Variants in IL12RB2 observed in about 807,000 individuals in gnomAD.
IL12RB2 encodes the protein interleukin 12 receptor subunit beta 2.
IL12RB2 carries 82 observed loss-of-function variants against 89.4 expected under a neutral mutation model. The observed-to-expected ratio is 0.92, with a 90% CI of 0.77 to 1.10. The LOEUF (loss-of-function observed/expected upper bound fraction) is 1.10. Among genes scored for constraint, IL12RB2 ranks in the 50% least tolerant of loss-of-function variants. The pLI, the probability that IL12RB2 is intolerant of heterozygous loss-of-function variation, is 0.00. For missense variants in IL12RB2, 963 were observed against 1,031.9 expected (o/e 0.93, Z 0.92); for synonymous variants, 368 against 370.1 (o/e 0.99, Z 0.07).
chr1:67,308,417 A>AT (rs1231597874), intron 1 of IL12RB2, among the ~76,000 whole-genome samples: 1 of 152,006 alleles, frequency 6.6e-6, no homozygotes, highest in Non-Finnish European at 1.5e-5. Context: ...TGAGTAAGAT[A>AT]TTGGGGGGGG....
At chr1:67,330,175 T>C (rs1657869122) in intron 7 of IL12RB2, among the ~76,000 whole-genome samples, 1 of 152,118 alleles carries the variant, frequency 6.6e-6, no homozygotes, top group Non-Finnish European at 1.5e-5. Context: ...TATGATTCTT[T>C]CCGGGATTGT....
intron 11 of IL12RB2, among the ~76,000 whole-genome samples, chr1:67,370,630 A>AAAT (rs1230216372): frequency 6.6e-6 from 1 of 152,190 alleles, no homozygotes; most frequent in Non-Finnish European, 1.5e-5. Context: ...GAGTGGTGGG[A>AAAT]AATGAGTCGG....
intron 2 of IL12RB2, among the ~76,000 whole-genome samples, chr1:67,316,336 T>C (rs1655758461): frequency 6.6e-6 from 1 of 152,050 alleles, no homozygotes; most frequent in African/African-American, 2.4e-5. Context: ...CTACAACACC[T>C]GAGGACCACG....
intron 9 of IL12RB2, among the ~76,000 whole-genome samples, chr1:67,339,117 T>C (rs941696612): frequency 2.0e-5 from 3 of 152,118 alleles, no homozygotes; most frequent in African/African-American, 7.2e-5. Flanking sequence ...TATTTAATAA[T>C]GTTTGTTAAG....
intron 16 of IL12RB2, among the ~76,000 whole-genome samples, chr1:67,392,623 CTTTTTT>C (rs527587132): frequency 1.2e-3 from 102 of 84,266 alleles, no homozygotes; most frequent in African/African-American, 4.5e-3. Context: ...TTTTAGATAT[CTTTTTT>C]TTTTTTTTTT....
chr1:67,317,766 G>A (rs1655962431), intron 2 of IL12RB2, among the ~76,000 whole-genome samples: 1 of 152,252 alleles, frequency 6.6e-6, no homozygotes, highest in African/African-American at 2.4e-5. Context: ...TCTTTCAATA[G>A]ACATTTGTTG....
intron 1 of IL12RB2, among the ~76,000 whole-genome samples, chr1:67,310,537 A>G (rs1042286934): frequency 3.9e-5 from 6 of 152,212 alleles, no homozygotes; most frequent in Non-Finnish European, 5.9e-5. Flanking sequence ...GAATGGGCAA[A>G]GAGAGGAGTC....
rs867582279 is a variant in IL12RB2, at chr1:67,339,879, G to A, written c.1038+1176G>A. 5.9e-5 allele frequency among the ~76,000 whole-genome samples: 9 copies of A among 152,142 alleles called. No homozygotes were observed. In the South Asian group the frequency reaches 6.2e-4, roughly 11 times the overall value. The stretch of plus-strand genomic sequence containing the variant: ...TCTTTGTTGAAGGAAAATGCTGTGC[G>A]ATTCGAATTGAGCTACTGATTGGCA... On this transcript the variant is annotated intron_variant, in intron 9 of 16. Coordinates refer to ENST00000674203, the MANE Select transcript of IL12RB2 (RefSeq NM_001374259.2).
At position 67,313,744 on chromosome 1, in the gene IL12RB2, T is replaced by C. The variant is rs149016464; in HGVS notation, c.-124-169T>C. ...AGGAGGTTGAGGCAAGAGAATCGCT[T>C]GAACCCAGGAGGTGGAGGTTGCAGT... On this transcript the variant is annotated intron_variant, in intron 1 of 16. Coordinates refer to ENST00000674203, the MANE Select transcript of IL12RB2 (RefSeq NM_001374259.2). 1.1e-4 allele frequency among the ~76,000 whole-genome samples: 16 copies of C among 152,328 alleles called. No individual in the cohort carries two copies. In the East Asian group the frequency reaches 2.9e-3, roughly 28 times the overall value.
rs1053817844 is a variant in IL12RB2 at position 67,398,669 on chromosome 1, A to G, written c.*2580A>G. On this transcript the variant is annotated 3_prime_UTR_variant, in exon 17 of 17. Coordinates refer to ENST00000674203, the MANE Select transcript of IL12RB2 (RefSeq NM_001374259.2). ...TTGGCAGTGTTTCCCCAGCACCAGCATCATGCCTGGTCCATAGTAGCTACC... is the reference window on the plus strand; with the variant it reads ...TTGGCAGTGTTTCCCCAGCACCAGCGTCATGCCTGGTCCATAGTAGCTACC... Among the ~76,000 whole-genome samples the G allele has an allele frequency of 1.1e-4, 16 of 152,172 alleles. No individual in the cohort carries two copies. Among genetic ancestry groups the G allele is most frequent in the Non-Finnish European group, 1.8e-4 (12 of 68,036 alleles).
chr1:67,316,454 TAA>T (rs1655784005), intron 2 of IL12RB2, among the ~76,000 whole-genome samples: 1 of 95,870 alleles, frequency 1.0e-5, no homozygotes, highest in Non-Finnish European at 2.3e-5. Context: ...GTGTGTGTGT[TAA>T]TGTCACTCGT....
Position 67,326,864 on chromosome 1 carries a change from G to A in IL12RB2, c.479+15G>A, listed in dbSNP as rs373462111. On this transcript the variant is annotated intron_variant, in intron 5 of 16. Coordinates refer to ENST00000674203, the MANE Select transcript of IL12RB2 (RefSeq NM_001374259.2). ...TATACTCTACAGTGAGTGAGAGGCT[G>A]TATTTTTGCAGCTGTTTTGTAGATC... 2.2e-4 allele frequency: 317 copies of A among 1,409,002 alleles called. No individual in the cohort carries two copies. In the African/African-American group the frequency reaches 4.1e-3, roughly 18 times the overall value. The allele number at this position is 1,409,002 out of a possible 1,614,324, so 87.3% of individuals were successfully genotyped here.
chr1:67,315,374 G>T (rs112431474), intron 2 of IL12RB2, among the ~76,000 whole-genome samples: 32 of 152,014 alleles, frequency 2.1e-4, no homozygotes, highest in African/African-American at 7.2e-4. Context: ...ACAAAGGGGC[G>T]CCATAGATAT....
At chr1:67,351,320 A>G (rs1176839730) in intron 10 of IL12RB2, among the ~76,000 whole-genome samples, 1 of 152,146 alleles carries the variant, frequency 6.6e-6, no homozygotes, top group East Asian at 1.9e-4. Context: ...TAGGAATTAT[A>G]TTGCCTGTCT....
At chr1:67,341,538 AG>A (rs11320963) in intron 9 of IL12RB2, among the ~76,000 whole-genome samples, 6,150 of 106,256 alleles carry the variant, frequency 0.058, 166 homozygotes, top group African/African-American at 0.093. Context: ...AGAGAAAGAA[AG>A]AAAGAAAGAA....
chr1:67,325,284 G>A (rs113625216), intron 4 of IL12RB2, among the ~76,000 whole-genome samples: 7,348 of 152,144 alleles, frequency 0.048, 612 homozygotes, highest in African/African-American at 0.17. Context: ...CTTTTTTGAG[G>A]CAAAGTCTCA....
At chr1:67,352,306 C>T (rs1026330486) in intron 10 of IL12RB2, among the ~76,000 whole-genome samples, 1 of 152,124 alleles carries the variant, frequency 6.6e-6, no homozygotes, top group Non-Finnish European at 1.5e-5. Flanking sequence ...AAAGAGAAGT[C>T]CAGAGGTAGA....
intron 9 of IL12RB2, among the ~76,000 whole-genome samples, chr1:67,346,885 G>A (rs1660299280): frequency 6.6e-6 from 1 of 152,148 alleles, no homozygotes; most frequent in Admixed American, 6.5e-5. Flanking sequence ...TGGTAGAAGA[G>A]TCATGTAAGT....
intron 4 of IL12RB2, among the ~76,000 whole-genome samples, chr1:67,326,417 C>G (rs1657290982): frequency 6.6e-6 from 1 of 151,404 alleles, no homozygotes; most frequent in African/African-American, 2.5e-5. Flanking sequence ...TTTCACCTCT[C>G]TCAGTTTCCT....
Sources: allele counts gnomAD v4.1 joint callset (sites outside exome capture counted in the v4.1 genomes callset), GRCh38; gene constraint gnomAD v4.1.1; transcripts MANE v1.5; gene names NCBI Gene and HGNC (gene_info 2026-07-23, HGNC 2026-07-21).